ZBED1: variants seen among roughly 807,000 people sequenced by gnomAD.
ZBED1 encodes the protein E3 SUMO-protein ligase ZBED1.
ZBED1 carries 19 observed loss-of-function variants against 49.7 expected under a neutral mutation model. The ratio of observed to expected loss-of-function variants is 0.38; its 90% CI spans 0.27 to 0.56. The LOEUF is 0.56. ZBED1 is among the 20% of genes least tolerant of loss of function. ZBED1 has a pLI of 0.70. For synonymous variants in ZBED1, 439 were observed against 440.3 expected (o/e 1.00, Z 0.04); for missense variants, 806 against 972.6 (o/e 0.83, Z 2.28).
chrX:2,493,091 A>AG (rs2045197676), intron 1 of ZBED1, among the ~76,000 whole-genome samples: 1 of 152,160 alleles, frequency 6.6e-6, no homozygotes, highest in South Asian at 2.1e-4. Flanking sequence ...GGGTGCAAGG[A>AG]GGGGGGTCCT....
At chrX:2,490,916 T>G (rs1191160379) in intron 1 of ZBED1, 144 bp from the exon 2 acceptor site, 2 of 689,948 alleles carry the variant, frequency 2.9e-6, no homozygotes, top group East Asian at 5.4e-5. Flanking sequence ...TCCTTGCGGG[T>G]CACTTTTGCA....
At chrX:2,496,730 A>G (rs2045294557) in intron 1 of ZBED1, among the ~76,000 whole-genome samples, 1 of 152,010 alleles carries the variant, frequency 6.6e-6, no homozygotes, top group South Asian at 2.1e-4. Flanking sequence ...CCACAATGCA[A>G]ACATACAGCA....
In ZBED1 at chrX:2,488,548, C is replaced by T. The variant is rs1425572260; in HGVS notation, c.*87G>A. The T allele has an allele frequency of 6.8e-7, 1 of 1,477,940 alleles. No homozygotes were observed. Among genetic ancestry groups the T allele is most frequent in the South Asian group, 1.4e-5 (1 of 72,148 alleles). 91.6% of individuals were successfully genotyped at this position (1,477,940 alleles called of 1,614,324 possible). On this transcript the variant is annotated 3_prime_UTR_variant, in exon 2 of 2. Transcript: ENST00000652001. ...AAGACAGTGGATGGTCTCTGAGGTT[C>T]AAAACCAAGCTGACCGGGTAAGTAT...
At chrX:2,500,730 C>T in intron 1 of ZBED1, 87 bp downstream of exon 1, 1 of 543,242 alleles carries the variant, frequency 1.8e-6, no homozygotes, top group Non-Finnish European at 2.4e-6. Flanking sequence ...TCGCCAAGGT[C>T]ACGCGGAGCC....
At chrX:2,499,706 A>T (rs2045366656) in intron 1 of ZBED1, among the ~76,000 whole-genome samples, 1 of 152,164 alleles carries the variant, frequency 6.6e-6, no homozygotes, top group Non-Finnish European at 1.5e-5. Flanking sequence ...CATGAGTTTC[A>T]GACCAGCCTG....
At chrX:2,500,784 C>A in intron 1 of ZBED1, 33 bp downstream of exon 1, 1 of 1,068,400 alleles carries the variant, frequency 9.4e-7, no homozygotes, top group South Asian at 4.4e-5. Context: ...ACCCGGGTCC[C>A]CGGAGCCCTG....
intron 1 of ZBED1, 133 bp downstream of exon 1, chrX:2,500,684 C>T (rs1326268119): frequency 1.2e-5 from 2 of 167,644 alleles, no homozygotes; most frequent in Admixed American, 6.7e-5. Flanking sequence ...CACACCTCGA[C>T]CCCCGCCCAG....
rs766625007 is a variant in ZBED1 at position 2,488,731 on chromosome X, G to T, written c.1989C>A (p.Asp663Glu). 1.2e-6 allele frequency: 2 copies of T among 1,613,850 alleles called. No individual in the cohort carries two copies. Among genetic ancestry groups the T allele is most frequent in the Non-Finnish European group, 1.7e-6 (2 of 1,179,862 alleles). The change falls in exon 2 of 2, where the codon GAC becomes GAA. Residue 663 changes from aspartate (D) to glutamate (E), a missense_variant. Physicochemically the swap from Asp to Glu is conservative, Grantham distance 45 (BLOSUM62 2). This residue lies in a region of ZBED1 where 749 missense variants were observed against 861.3 expected (regional missense o/e 0.87). Coordinates refer to ENST00000652001, the MANE Select transcript of ZBED1 (RefSeq NM_001171136.2). ...CCTGGTCCAGGCCCCACTCCCCCTC[G>T]TCCTGGTCCTCGGGTTCCGCCTCTG... ...SGAEAEPEDQDEGEWGLDQEQ... is the reference protein window; with the variant it reads ...SGAEAEPEDQEEGEWGLDQEQ...
chrX:2,497,939 G>C (rs1036288279), intron 1 of ZBED1, among the ~76,000 whole-genome samples: 41 of 152,230 alleles, frequency 2.7e-4, no homozygotes, highest in South Asian at 1.2e-3. Flanking sequence ...CCAACCAACA[G>C]ATACAACTTA....
chrX:2,498,957 T>A (rs1374499725), intron 1 of ZBED1, among the ~76,000 whole-genome samples: 1 of 152,072 alleles, frequency 6.6e-6, no homozygotes, highest in Non-Finnish European at 1.5e-5. Flanking sequence ...GTAATTATGC[T>A]AAGTGGGTTT....
Position 2,487,210 on chromosome X carries a change from A to G in ZBED1, c.*1425T>C, listed in dbSNP as rs887377751. The G allele has an allele frequency of 6.6e-6, 1 of 152,128 alleles. No individual in the cohort carries two copies. Among genetic ancestry groups the G allele is most frequent in the African/African-American group, 2.4e-5 (1 of 41,438 alleles). 9.4% of individuals were successfully genotyped at this position (152,128 alleles called of 1,614,324 possible). A position where few individuals can be genotyped will look rare whatever the true frequency, so the allele number is the denominator to read the frequency against. ...CTCCGGGGGCAATATTTTAAAATTC[A>G]TTTCCCCTATGGTATTCAGTTTAAA... On this transcript the variant is annotated 3_prime_UTR_variant, in exon 2 of 2. Transcript: ENST00000652001.
At position 2,489,925 on chromosome X, in the gene ZBED1, G is replaced by C; in HGVS notation, c.795C>G (p.Phe265Leu). The change falls in exon 2 of 2, where the codon TTC becomes TTG. Residue 265 changes from phenylalanine (F) to leucine (L), a missense_variant. By Grantham distance (22) the Phe-to-Leu change is conservative. Coordinates refer to ENST00000652001, the MANE Select transcript of ZBED1 (RefSeq NM_001171136.2). ...CCTTGCCATAGTTGGTGGTGGCCCCGAAGACCTTGGCGCTGATGCCCCACT... is the reference window on the plus strand; with the variant it reads ...CCTTGCCATAGTTGGTGGTGGCCCCCAAGACCTTGGCGCTGATGCCCCACT... Reference protein sequence around the residue: ...FIEWGISAKVFGATTNYGKDI... With the variant: ...FIEWGISAKVLGATTNYGKDI... The C allele has an allele frequency of 6.2e-7, 1 of 1,613,864 alleles. No individual in the cohort carries two copies. Among genetic ancestry groups the C allele is most frequent in the Non-Finnish European group, 8.5e-7 (1 of 1,179,866 alleles).
Position 2,489,528 on chromosome X carries a change from C to G in ZBED1, c.1192G>C (p.Val398Leu). The G allele has an allele frequency of 6.2e-7, 1 of 1,613,016 alleles. No homozygotes were observed. The highest frequency in any genetic ancestry group is 8.5e-7 in the Non-Finnish European group (1 of 1,179,850). Residue 398 changes from valine to leucine, a missense_variant, in exon 2 of 2, where the codon GTG becomes CTG. Physicochemically the swap from Val to Leu is conservative, Grantham distance 32. Coordinates refer to ENST00000652001, the MANE Select transcript of ZBED1 (RefSeq NM_001171136.2). ...TGCTTGAAGGGCTGCAGGAGCTCCA[C>G]CAGCCCCTCGATGGTGGCCCACTCG... ...ASEWATIEGL[V>L]ELLQPFKQVA... is the part of the protein sequence containing the mutation.
At chrX:2,497,234 A>G (rs1569350718) in intron 1 of ZBED1, among the ~76,000 whole-genome samples, 1 of 152,092 alleles carries the variant, frequency 6.6e-6, no homozygotes, top group Non-Finnish European at 1.5e-5. Flanking sequence ...ATCTCACTAA[A>G]AATACAAAAT....
chrX:2,492,212 A>G (rs1029403381), intron 1 of ZBED1, among the ~76,000 whole-genome samples: 68 of 152,226 alleles, frequency 4.5e-4, no homozygotes, highest in African/African-American at 1.6e-3. Flanking sequence ...TGTATTAATA[A>G]TGAAGGTAAG....
Position 2,489,281 on chromosome X carries a change from T to A in ZBED1, c.1439A>T (p.Lys480Met). The A allele has an allele frequency of 6.2e-7, 1 of 1,613,898 alleles. No homozygotes were observed. Among genetic ancestry groups the A allele is most frequent in the Non-Finnish European group, 8.5e-7 (1 of 1,179,844 alleles). Reference sequence around the variant, plus strand: ...GAAGGCGGAGAGGAAGGGCAGCCTCTTGTAGCGGGGGTCCAGGAAGGTGGC... The same window carrying A: ...GAAGGCGGAGAGGAAGGGCAGCCTCATGTAGCGGGGGTCCAGGAAGGTGGC... ...NVATFLDPRYKRLPFLSAFER... is the reference protein window; with the variant it reads ...NVATFLDPRYMRLPFLSAFER... Residue 480 changes from lysine (K) to methionine (M), a missense_variant, in exon 2 of 2, where the codon AAG (lysine) becomes ATG (methionine). Lys to Met is a moderately conservative substitution (Grantham distance 95). This residue lies in a region of ZBED1 where 749 missense variants were observed against 861.3 expected (regional missense o/e 0.87). Transcript: ENST00000652001.
Position 2,488,545 on chromosome X carries a change from G to C in ZBED1, c.*90C>G. ...TCAAAGACAGTGGATGGTCTCTGAGGTTCAAAACCAAGCTGACCGGGTAAG... is the reference window on the plus strand; with the variant it reads ...TCAAAGACAGTGGATGGTCTCTGAGCTTCAAAACCAAGCTGACCGGGTAAG... On this transcript the variant is annotated 3_prime_UTR_variant, in exon 2 of 2. Coordinates refer to ENST00000652001, the MANE Select transcript of ZBED1 (RefSeq NM_001171136.2). The C allele has an allele frequency of 6.8e-7, 1 of 1,466,890 alleles. No individual in the cohort carries two copies. The highest frequency in any genetic ancestry group is 9.1e-7 in the Non-Finnish European group (1 of 1,101,176). The allele number at this position is 1,466,890 out of a possible 1,614,324, so 90.9% of individuals were successfully genotyped here. A position where few individuals can be genotyped will look rare whatever the true frequency, so the allele number is the denominator to read the frequency against.
At chrX:2,493,180 G>T (rs1441187791) in intron 1 of ZBED1, among the ~76,000 whole-genome samples, 1 of 152,170 alleles carries the variant, frequency 6.6e-6, no homozygotes, top group East Asian at 1.9e-4. Context: ...ACAAAACGAG[G>T]AACCCCCAAA....
chrX:2,492,502 C>A (rs1332065429), intron 1 of ZBED1, among the ~76,000 whole-genome samples: 2 of 152,064 alleles, frequency 1.3e-5, no homozygotes, highest in Non-Finnish European at 2.9e-5. Context: ...GCCTAAAGCC[C>A]AGGATGTGGA....
Sources: allele counts gnomAD v4.1 joint callset (sites outside exome capture counted in the v4.1 genomes callset), GRCh38; gene constraint gnomAD v4.1.1; regional missense constraint gnomAD v4.1.1; transcripts MANE v1.5; gene names NCBI Gene and HGNC (gene_info 2026-07-23, HGNC 2026-07-21).